The following MFAP5 variants were observed in gnomAD, a reference collection of about 807,000 sequenced individuals.
MFAP5 encodes microfibril associated protein 5.
Under a neutral mutation model 30.1 loss-of-function variants are expected in MFAP5, and 19 were observed. The ratio of observed to expected loss-of-function variants is 0.63; its 90% CI spans 0.44 to 0.93. The LOEUF is 0.93. MFAP5 is among the 40% of genes least tolerant of loss of function. MFAP5 has a pLI of 0.00. For missense variants in MFAP5, 210 were observed against 221.3 expected (o/e 0.95, Z 0.32); for synonymous variants, 92 against 72.9 (o/e 1.26, Z -1.33).
chr12:8,650,747 A>AAGAGGAATTGACT (rs1941815686), intron 7 of MFAP5, among the ~76,000 whole-genome samples, 158 bp from the exon 8 acceptor site: 1 of 152,244 alleles, frequency 6.6e-6, no homozygotes, highest in Non-Finnish European at 1.5e-5. Context: ...TCCGTCCACC[A>AAGAGGAATTGACT]AAAACACAGC....
intron 3 of MFAP5, among the ~76,000 whole-genome samples, chr12:8,657,190 G>A (rs1349432648): frequency 6.6e-6 from 1 of 152,108 alleles, no homozygotes; most frequent in Non-Finnish European, 1.5e-5. Context: ...TGTTAATGCT[G>A]TTTTGTTATT....
At chr12:8,651,189 C>T (rs1045198677) in intron 7 of MFAP5, among the ~76,000 whole-genome samples, 1 of 152,008 alleles carries the variant, frequency 6.6e-6, no homozygotes, top group Non-Finnish European at 1.5e-5. Context: ...TAAAATAAAA[C>T]AAAATAGTAA....
chr12:8,648,106 T>G lies in MFAP5; in HGVS notation c.507A>C (p.Arg169Ser). 1 of 1,613,208 alleles carries G rather than the reference T, an allele frequency of 6.2e-7. No homozygotes were observed. Among genetic ancestry groups the G allele is most frequent in the Non-Finnish European group, 8.5e-7 (1 of 1,179,196 alleles). ...TTTTCAATGATCACAGACCATTGGG[T>G]CTCTGCAAATCCACATTTTCACAGG... is the stretch of plus-strand genomic sequence containing the variant. Reference protein sequence around the residue: ...LPPCENVDLQRPNGL With the variant: ...LPPCENVDLQSPNGL Residue 169 changes from arginine (R) to serine (S), a missense_variant, in exon 10 of 10, where the codon AGA becomes AGC. By Grantham distance (110) the Arg-to-Ser change is moderately radical (BLOSUM62 -1). Transcript: ENST00000359478.
At chr12:8,651,350 T>C (rs1042002334) in intron 7 of MFAP5, among the ~76,000 whole-genome samples, 2 of 152,146 alleles carry the variant, frequency 1.3e-5, no homozygotes, top group African/African-American at 2.4e-5. Context: ...GCCTCCGTGG[T>C]AATATGGAGT....
intron 3 of MFAP5, among the ~76,000 whole-genome samples, chr12:8,656,199 T>C (rs1312912781): frequency 1.3e-5 from 2 of 151,514 alleles, no homozygotes; most frequent in African/African-American, 2.4e-5. Context: ...TAGCTGGGAC[T>C]ACAGGCGCCC....
At chr12:8,656,293 C>A (rs1941985205) in intron 3 of MFAP5, among the ~76,000 whole-genome samples, 1 of 151,864 alleles carries the variant, frequency 6.6e-6, no homozygotes, top group Non-Finnish European at 1.5e-5. Flanking sequence ...CGTGAACCGC[C>A]CCCCTCGGCC....
intron 6 of MFAP5, among the ~76,000 whole-genome samples, chr12:8,653,229 G>A (rs1941891399): frequency 1.3e-5 from 2 of 151,608 alleles, no homozygotes; most frequent in Admixed American, 1.3e-4. Context: ...AAGAAAACTG[G>A]ATGTCAACTC....
chr12:8,654,969 C>T (rs1427008164), intron 5 of MFAP5, among the ~76,000 whole-genome samples: 1 of 148,804 alleles, frequency 6.7e-6, no homozygotes, highest in African/African-American at 2.5e-5. Context: ...TTAGCACTGT[C>T]ACTGAACAAC....
intron 3 of MFAP5, among the ~76,000 whole-genome samples, chr12:8,656,133 T>TC (rs1281100620): frequency 6.8e-6 from 1 of 147,266 alleles, no homozygotes; most frequent in Admixed American, 7.0e-5. Context: ...CGATCTCGGC[T>TC]CACTGCAAGC....
rs1300400862 is a variant in MFAP5 at position 8,647,198 on chromosome 12, T to G, written c.*893A>C. ...AGCCACTTGCACAATAATTCGACCG[T>G]GCACTTGTTAAGTTGTGAAGATGAA... On this transcript the variant is annotated 3_prime_UTR_variant, in exon 10 of 10. Coordinates refer to ENST00000359478, the MANE Select transcript of MFAP5 (RefSeq NM_003480.4). The G allele has an allele frequency of 6.6e-6, 1 of 152,232 alleles. No homozygotes were observed. Among genetic ancestry groups the G allele is most frequent in the East Asian group, 1.9e-4 (1 of 5,202 alleles). The allele number at this position is 152,232 out of a possible 1,614,324, so 9.4% of individuals were successfully genotyped here.
chr12:8,660,626 C>G (rs1344741421), intron 3 of MFAP5, among the ~76,000 whole-genome samples: 1 of 151,928 alleles, frequency 6.6e-6, no homozygotes, highest in Non-Finnish European at 1.5e-5. Flanking sequence ...GAAGGTGTTT[C>G]AGTAGTTTAA....
chr12:8,655,689 A>T, intron 4 of MFAP5, 97 bp downstream of exon 4: 1 of 1,424,614 alleles, frequency 7.0e-7, no homozygotes, highest in South Asian at 1.2e-5. Flanking sequence ...GCACCCTCCA[A>T]CCCTTCTGAA....
intron 3 of MFAP5, among the ~76,000 whole-genome samples, chr12:8,660,246 T>C (rs947824779): frequency 2.0e-5 from 3 of 151,388 alleles, no homozygotes; most frequent in African/African-American, 7.3e-5. Context: ...TGGAGTGCAA[T>C]GGCATGATCA....
At chr12:8,654,607 A>C in intron 5 of MFAP5, 126 bp from the exon 6 acceptor site, 1 of 795,912 alleles carries the variant, frequency 1.3e-6, no homozygotes. Flanking sequence ...TGTTTTATGT[A>C]TAAGGGAATA....
intron 6 of MFAP5, among the ~76,000 whole-genome samples, chr12:8,653,778 G>A (rs1941904277): frequency 6.6e-6 from 1 of 152,122 alleles, no homozygotes; most frequent in Non-Finnish European, 1.5e-5. Flanking sequence ...ATGTCTAGTA[G>A]AAGAAAATCA....
In MFAP5 at chr12:8,654,729, T is replaced by C. The variant is rs930938605; in HGVS notation, c.173-248A>G. Among the ~76,000 whole-genome samples the C allele has an allele frequency of 2.0e-5, 3 of 152,034 alleles. No homozygotes were observed. The East Asian group carries it at 5.8e-4, about 29-fold the overall frequency. ...GGGAGGCTGAGGCAGGTGGATCACTTGAGGTCAGGAGTTCAAGACCAGCCT... is the reference window on the plus strand; with the variant it reads ...GGGAGGCTGAGGCAGGTGGATCACTCGAGGTCAGGAGTTCAAGACCAGCCT... On this transcript the variant is annotated intron_variant, in intron 5 of 9. Coordinates refer to ENST00000359478, the MANE Select transcript of MFAP5 (RefSeq NM_003480.4).
chr12:8,651,760 G>A, intron 6 of MFAP5, 69 bp from the exon 7 acceptor site: 1 of 1,422,772 alleles, frequency 7.0e-7, no homozygotes, highest in Non-Finnish European at 9.9e-7. Flanking sequence ...CTGCCACACT[G>A]CCTCACTTAG....
rs1942124546 is a variant in MFAP5 at position 8,660,757 on chromosome 12, T to C, written c.94+106A>G. The C allele has an allele frequency of 3.3e-6, 3 of 904,634 alleles. No homozygotes were observed. In the Admixed American group the frequency reaches 8.6e-5, roughly 26 times the overall value. The allele number at this position is 904,634 out of a possible 1,614,324, so 56.0% of individuals were successfully genotyped here. ...TTGTTGTAGGAAATATTCTTTTTTT[T>C]TTTTTTTTGGCAGCGATAGATAAGC... On this transcript the variant is annotated intron_variant, in intron 3 of 9. Coordinates refer to ENST00000359478, the MANE Select transcript of MFAP5 (RefSeq NM_003480.4).
rs1941953918 is a variant in MFAP5 at position 8,655,421 on chromosome 12, C to G, written c.166G>C (p.Glu56Gln). The change falls in exon 5 of 10, where the codon GAA (glutamate) becomes CAA (glutamine). Residue 56 changes from glutamate (E) to glutamine (Q), a missense_variant. Transcript: ENST00000359478. The part of the protein sequence containing the change: ...PNLVNDPATD[E>Q]TVLAVLADIA... ...TAACTGCGGTAAAATTTACCTGTTT[C>G]ATCTGTAGCGGGATCATTCACCAGA... The G allele has an allele frequency of 6.2e-7, 1 of 1,602,406 alleles. No homozygotes were observed. The highest frequency in any genetic ancestry group is 8.5e-7 in the Non-Finnish European group (1 of 1,175,366).
Sources: allele counts gnomAD v4.1 joint callset (sites outside exome capture counted in the v4.1 genomes callset), GRCh38; gene constraint gnomAD v4.1.1; transcripts MANE v1.5; gene names NCBI Gene and HGNC (gene_info 2026-07-23, HGNC 2026-07-21).